Variants in CHAT observed in about 807,000 individuals in gnomAD.
CHAT encodes choline O-acetyltransferase.
In CHAT, 61 loss-of-function variants were observed where a neutral mutation model predicts 76.9. The observed-to-expected ratio is 0.79, with a 90% CI of 0.65 to 0.98. CHAT has a LOEUF of 0.98. Among genes scored for constraint, CHAT ranks in the 50% least tolerant of loss-of-function variants. The probability of loss-of-function intolerance (pLI) is 0.00; values close to 1 mark genes in which losing one functional copy is unlikely to be tolerated. For synonymous variants in CHAT, 407 were observed against 397.4 expected (o/e 1.02, Z -0.29); for missense variants, 946 against 986.9 (o/e 0.96, Z 0.56).
chr10:49,641,342 C>T (rs1839474886), intron 7 of CHAT, among the ~76,000 whole-genome samples: 1 of 151,480 alleles, frequency 6.6e-6, no homozygotes, highest in Non-Finnish European at 1.5e-5. Context: ...GCTGGTCTGC[C>T]TTCCTCTCGC....
chr10:49,667,288 G>A lies in CHAT; in HGVS notation c.*2242G>A, dbSNP rs1840359435. 6.6e-6 allele frequency among the ~76,000 whole-genome samples: 1 copy of A among 152,140 alleles called. No individual in the cohort carries two copies. The highest frequency in any genetic ancestry group is 6.5e-5 in the Admixed American group (1 of 15,272). On this transcript the variant is annotated 3_prime_UTR_variant, in exon 15 of 15. Transcript: ENST00000337653. ...AGTAGGGGCAGGGAGGCTTCATGGG[G>A]CCTACCTTTGGGATGACATTACCCC... is the stretch of plus-strand genomic sequence containing the variant.
At chr10:49,611,534 C>A, upstream of CHAT, 5 of 1,603,072 alleles carry the variant, frequency 3.1e-6, no homozygotes, top group Non-Finnish European at 4.2e-6. Context: ...GTGGCCAAAC[C>A]CTTCTCGGCG....
chr10:49,635,676 A>C (rs1839270223), intron 7 of CHAT, among the ~76,000 whole-genome samples: 1 of 152,228 alleles, frequency 6.6e-6, no homozygotes, highest in South Asian at 2.1e-4. Flanking sequence ...AAAGAAAAAA[A>C]TAACATGATT....
chr10:49,639,461 A>G (rs2132772250), intron 7 of CHAT, among the ~76,000 whole-genome samples: 1 of 42,432 alleles, frequency 2.4e-5, no homozygotes, highest in Non-Finnish European at 5.2e-5. Flanking sequence ...TCTGGTCTTC[A>G]TGGTTTCTGA....
At chr10:49,646,740 C>A in intron 8 of CHAT, 66 bp downstream of exon 8, 2 of 1,560,652 alleles carry the variant, frequency 1.3e-6, no homozygotes, top group Non-Finnish European at 1.8e-6. Context: ...AGTAGGCAAG[C>A]GGGCACAGCC....
chr10:49,623,377 A>G (rs1838798493), intron 5 of CHAT, among the ~76,000 whole-genome samples: 2 of 152,248 alleles, frequency 1.3e-5, no homozygotes, highest in South Asian at 4.2e-4. Flanking sequence ...CCCATGTCCA[A>G]TGATTGAAAA....
upstream of CHAT, chr10:49,612,085 G>C (rs1230546425): frequency 6.2e-7 from 1 of 1,613,522 alleles, no homozygotes; most frequent in Non-Finnish European, 8.5e-7. Flanking sequence ...GCTGGGCTTT[G>C]AGCAGCTCAG....
intron 5 of CHAT, 72 bp downstream of exon 5, chr10:49,622,222 G>C: frequency 6.6e-7 from 1 of 1,507,382 alleles, no homozygotes; most frequent in Non-Finnish European, 9.2e-7. Context: ...CAGGGACCTT[G>C]TCTTTTTCCA....
At chr10:49,610,174 G>T, upstream of CHAT, 1 of 151,714 alleles carries the variant, frequency 6.6e-6, no homozygotes, top group South Asian at 2.1e-4. Flanking sequence ...GCCACGCCCC[G>T]CCCCCGGCCC....
rs1334216157 is a variant in CHAT at position 49,648,491 on chromosome 10, CT to C, written c.1282-15del. On this transcript the variant is annotated splice_polypyrimidine_tract_variant and intron_variant, in intron 8 of 14. Coordinates refer to ENST00000337653, the MANE Select transcript of CHAT (RefSeq NM_020549.5). ...TGACTCTCCCATGATCGCCCACTCC[CT>C]CTTTCCTGTTGCAGTTTGTGGTGGG... 8 of 1,608,676 alleles carry C rather than the reference CT, an allele frequency of 5.0e-6. No individual in the cohort carries two copies. The African/African-American group carries it at 1.1e-4, about 21-fold the overall frequency.
Position 49,652,584 on chromosome 10 carries a change from C to T in CHAT, c.1634+578C>T, listed in dbSNP as rs374545798. Among the ~76,000 whole-genome samples the T allele has an allele frequency of 2.3e-4, 35 of 152,358 alleles. No individual in the cohort carries two copies. The East Asian group carries it at 5.6e-3, about 24-fold the overall frequency. ...TCAGCTCATGCTTAGCCAACGGCAG[C>T]ACTTCCCTAGGGTCACTGCTTCCAG... is the stretch of plus-strand genomic sequence containing the variant. On this transcript the variant is annotated intron_variant, in intron 11 of 14. Transcript: ENST00000337653.
At chr10:49,646,768 C>G in intron 8 of CHAT, 94 bp downstream of exon 8, 1 of 1,412,376 alleles carries the variant, frequency 7.1e-7, no homozygotes, top group Non-Finnish European at 9.8e-7. Flanking sequence ...CAGGCCCGCA[C>G]GTGCTTGTGT....
chr10:49,616,027 G>A (rs994496608), intron 1 of CHAT: 3 of 1,613,676 alleles, frequency 1.9e-6, no homozygotes, highest in Admixed American at 1.7e-5. Context: ...ACGGAGTGAG[G>A]GAATTCACCC....
chr10:49,620,527 C>A lies in CHAT; in HGVS notation c.612C>A (p.Leu204=). Residue 204 remains leucine, a synonymous_variant, in exon 4 of 15, where the codon CTC becomes CTA. Coordinates refer to ENST00000337653, the MANE Select transcript of CHAT (RefSeq NM_020549.5). ...VSEYWLNDMY[L]NNRLALPVNS... is the part of the protein sequence containing the mutation. The stretch of plus-strand genomic sequence containing the variant: ...AGTACTGGCTGAATGACATGTATCT[C>A]AACAACCGCCTGGCCCTGCCTGTCA... 2 of 1,613,816 alleles carry A rather than the reference C, an allele frequency of 1.2e-6. No homozygotes were observed. The highest frequency in any genetic ancestry group is 1.7e-6 in the Non-Finnish European group (2 of 1,179,826).
intron 7 of CHAT, among the ~76,000 whole-genome samples, chr10:49,638,022 C>T (rs1839352852): frequency 6.6e-6 from 1 of 152,218 alleles, no homozygotes; most frequent in Non-Finnish European, 1.5e-5. Flanking sequence ...GTTCTAACAA[C>T]TGTTGAGAGC....
At chr10:49,657,536 A>G (rs1435897834) in intron 13 of CHAT, among the ~76,000 whole-genome samples, 1 of 152,132 alleles carries the variant, frequency 6.6e-6, no homozygotes, top group African/African-American at 2.4e-5. Flanking sequence ...GTGGTGGGCT[A>G]GAAGTTCATT....
chr10:49,650,421 C>T (rs566203109), intron 10 of CHAT, among the ~76,000 whole-genome samples: 7 of 152,238 alleles, frequency 4.6e-5, no homozygotes, highest in African/African-American at 1.7e-4. Context: ...AGAAGCTGAA[C>T]TCTGTCAGGA....
At position 49,651,977 on chromosome 10, in the gene CHAT, C is replaced by T. The variant is rs772695708; in HGVS notation, c.1605C>T (p.Ile535=). ...AGAAATGCAGCCCTGATGCCTTCAT[C>T]CAGGTGGCCCTCCAGCTGGCCTTCT... is the stretch of plus-strand genomic sequence containing the variant. ...KKQKCSPDAF[I]QVALQLAFYR... Residue 535 remains isoleucine, a synonymous_variant, in exon 11 of 15, where the codon ATC becomes ATT. Transcript: ENST00000337653. 1.9e-6 allele frequency: 3 copies of T among 1,614,200 alleles called. No homozygotes were observed. Among genetic ancestry groups the T allele is most frequent in the Non-Finnish European group, 2.5e-6 (3 of 1,180,036 alleles).
At chr10:49,609,505 C>A (rs1838233400), upstream of CHAT, among the ~76,000 whole-genome samples, 1 of 151,864 alleles carries the variant, frequency 6.6e-6, no homozygotes. Context: ...GGGACCAGAC[C>A]GCTAAAGGAG....
Sources: allele counts gnomAD v4.1 joint callset (sites outside exome capture counted in the v4.1 genomes callset), GRCh38; gene constraint gnomAD v4.1.1; transcripts MANE v1.5; gene names NCBI Gene and HGNC (gene_info 2026-07-23, HGNC 2026-07-21).